Variants in ADAM20 observed in about 807,000 individuals in gnomAD.
The protein encoded by ADAM20 is ADAM metallopeptidase domain 20, also known as disintegrin and metalloproteinase domain-containing protein 20.
For synonymous variants in ADAM20, 305 were observed against 310.2 expected (o/e 0.98, Z 0.18); for missense variants, 871 against 883.2 (o/e 0.99, Z 0.18).
the ADAM20 span, among the ~76,000 whole-genome samples, chr14:70,570,399 C>A: frequency 6.6e-6 from 1 of 151,772 alleles, no homozygotes; most frequent in Non-Finnish European, 1.5e-5. Flanking sequence ...AAGAAAAAAA[C>A]GAACATTCAA....
chr14:70,528,288 A>G (rs1005234980), intron 1 of ADAM20, among the ~76,000 whole-genome samples: 2 of 152,226 alleles, frequency 1.3e-5, no homozygotes, highest in African/African-American at 2.4e-5. Context: ...GGGAGTTTGG[A>G]ACAACAATTG....
the ADAM20 span, among the ~76,000 whole-genome samples, chr14:70,555,820 A>G: frequency 6.6e-6 from 1 of 151,674 alleles, no homozygotes; most frequent in Admixed American, 6.6e-5. Flanking sequence ...CTTTCAAACC[A>G]CTTAGTTTCT....
In ADAM20 at chr14:70,524,211, G is replaced by A. The variant is rs201069820; in HGVS notation, c.547C>T (p.Gln183Ter). The A allele has an allele frequency of 1.9e-6, 3 of 1,613,848 alleles. No homozygotes were observed. The highest frequency in any genetic ancestry group is 2.5e-6 in the Non-Finnish European group (3 of 1,179,920). Residue 183 changes from glutamine (Q) to a stop codon, truncating the protein, a stop_gained, in exon 2 of 2, where the codon CAG (glutamine) becomes TAG (stop). Coordinates refer to ENST00000256389, the MANE Select transcript of ADAM20 (RefSeq NM_003814.5). LOFTEE classifies it low-confidence loss of function (END_TRUNC). ...TTATATGACAATTGCAACTCCATCT[G>A]GTGTGCTATTTTCTCTTCTGTTAAC... ...CGLTEEKIAH[Q>*]MELQLSYNFT...
At chr14:70,579,222 G>A in the ADAM20 span, among the ~76,000 whole-genome samples, 10 of 152,014 alleles carry the variant, frequency 6.6e-5, no homozygotes, top group Admixed American at 5.2e-4. Flanking sequence ...TTGCTGGGTC[G>A]AATGGGACTT....
At chr14:70,572,735 C>T in the ADAM20 span, among the ~76,000 whole-genome samples, 3 of 151,632 alleles carry the variant, frequency 2.0e-5, no homozygotes, top group Non-Finnish European at 4.4e-5. Flanking sequence ...CTATAAGGAA[C>T]ATAAATCAAC....
chr14:70,539,185 C>A (rs1411842487), upstream of ADAM20, among the ~76,000 whole-genome samples: 3 of 143,334 alleles, frequency 2.1e-5, no homozygotes, highest in African/African-American at 5.3e-5. Flanking sequence ...CCTGAAACTA[C>A]TGCTATGGAA....
At chr14:70,541,928 C>T in the ADAM20 span, among the ~76,000 whole-genome samples, 1 of 152,122 alleles carries the variant, frequency 6.6e-6, no homozygotes, top group Non-Finnish European at 1.5e-5. Flanking sequence ...ATAAACAATT[C>T]TTGTCTGGTT....
chr14:70,525,181 T>C (rs1485665443), intron 1 of ADAM20, among the ~76,000 whole-genome samples: 1 of 152,082 alleles, frequency 6.6e-6, no homozygotes, highest in East Asian at 1.9e-4. Flanking sequence ...TGGCAAGACA[T>C]TTTCCATTTT....
chr14:70,574,443 A>C, the ADAM20 span, among the ~76,000 whole-genome samples: 1 of 152,142 alleles, frequency 6.6e-6, no homozygotes, highest in African/African-American at 2.4e-5. Context: ...GATTGAGACC[A>C]TCCTGGCTAA....
chr14:70,533,811 G>A (rs1305466724), intron 1 of ADAM20, among the ~76,000 whole-genome samples: 6 of 150,874 alleles, frequency 4.0e-5, no homozygotes, highest in South Asian at 2.1e-4. Flanking sequence ...GGCTGGGCAC[G>A]GTGGCTCATG....
At chr14:70,554,977 G>C in the ADAM20 span, among the ~76,000 whole-genome samples, 4 of 152,228 alleles carry the variant, frequency 2.6e-5, no homozygotes, top group African/African-American at 9.6e-5. Flanking sequence ...ATACCCGCTA[G>C]AATATTCCAT....
the ADAM20 span, among the ~76,000 whole-genome samples, chr14:70,553,590 T>C: frequency 7.0e-6 from 1 of 143,622 alleles, no homozygotes; most frequent in African/African-American, 2.6e-5. Flanking sequence ...TGATCATTCA[T>C]CATGACCAAG....
At chr14:70,574,623 G>A in the ADAM20 span, among the ~76,000 whole-genome samples, 2 of 151,624 alleles carry the variant, frequency 1.3e-5, no homozygotes, top group African/African-American at 4.8e-5. Context: ...CTGGGGGACA[G>A]AGCGAGACTC....
chr14:70,524,347 C>T lies in ADAM20; in HGVS notation c.411G>A (p.Gln137=), dbSNP rs747262200. The change falls in exon 2 of 2, where the codon CAG becomes CAA. Residue 137 remains glutamine, a synonymous_variant. Coordinates refer to ENST00000256389, the MANE Select transcript of ADAM20 (RefSeq NM_003814.5). The part of the protein sequence containing the change: ...TCSGGFLGML[Q]INDLVYEIKP... Reference sequence around the variant, plus strand: ...TGATTTCATAAACAAGGTCATTTATCTGTAGCATTCCAAGAAAGCCCCCAG... The same window carrying T: ...TGATTTCATAAACAAGGTCATTTATTTGTAGCATTCCAAGAAAGCCCCCAG... 1 of 1,613,974 alleles carries T rather than the reference C, an allele frequency of 6.2e-7. No individual in the cohort carries two copies. The highest frequency in any genetic ancestry group is 1.1e-5 in the South Asian group (1 of 91,084).
chr14:70,554,000 T>C, the ADAM20 span, among the ~76,000 whole-genome samples: 1 of 152,164 alleles, frequency 6.6e-6, no homozygotes, highest in East Asian at 1.9e-4. Flanking sequence ...CAAATGATTA[T>C]TGTTGACTGA....
chr14:70,578,262 A>G, the ADAM20 span, among the ~76,000 whole-genome samples: 1 of 152,180 alleles, frequency 6.6e-6, no homozygotes, highest in Non-Finnish European at 1.5e-5. Context: ...CTATTCAGTA[A>G]GTGGTGCAGG....
At chr14:70,543,816 A>G in the ADAM20 span, among the ~76,000 whole-genome samples, 1 of 152,188 alleles carries the variant, frequency 6.6e-6, no homozygotes, top group Non-Finnish European at 1.5e-5. Context: ...GCCAGAAAGA[A>G]CACGCCATCC....
At chr14:70,577,264 AAAT>A in the ADAM20 span, among the ~76,000 whole-genome samples, 3 of 152,234 alleles carry the variant, frequency 2.0e-5, no homozygotes, top group Non-Finnish European at 2.9e-5. Context: ...GTACATAAAA[AAAT>A]AATATCATGA....
At chr14:70,544,591 C>A in the ADAM20 span, among the ~76,000 whole-genome samples, 2 of 151,858 alleles carry the variant, frequency 1.3e-5, no homozygotes, top group Non-Finnish European at 2.9e-5. Flanking sequence ...CTAATTAAAC[C>A]TTTAACAGAA....
Sources: gnomAD v4.1 joint callset for allele counts (sites outside exome capture counted in the v4.1 genomes callset) on GRCh38, gnomAD v4.1.1 for gene constraint, MANE v1.5 for transcripts, NCBI Gene and HGNC (gene_info 2026-07-23, HGNC 2026-07-21) for gene names.